WWTR1: variants seen among roughly 807,000 people sequenced by gnomAD.
WWTR1 encodes WW domain-containing transcription regulator protein 1.
In WWTR1, 13 loss-of-function variants were observed where a neutral mutation model predicts 40.1. The observed-to-expected ratio is 0.32, with a 90% CI of 0.21 to 0.52. The LOEUF is 0.52. Ranked by LOEUF, WWTR1 falls within the 20% of genes least tolerant of loss-of-function variation. The pLI is 0.97. For synonymous variants in WWTR1, 230 were observed against 210.1 expected, an observed-to-expected ratio of 1.09 and a Z score of -0.82; for missense variants, 436 against 523.1, an observed-to-expected ratio of 0.83 and a Z score of 1.63.
intron 1 of WWTR1, among the ~76,000 whole-genome samples, chr3:149,692,093 T>C (rs1246191622): frequency 6.6e-6 from 1 of 151,566 alleles, no homozygotes; most frequent in African/African-American, 2.4e-5. Flanking sequence ...GAGGAGTGAA[T>C]TCTTCCAAAC....
chr3:149,592,360 A>C (rs965039677), intron 2 of WWTR1, among the ~76,000 whole-genome samples: 8 of 152,226 alleles, frequency 5.3e-5, no homozygotes, highest in Admixed American at 5.2e-4. Flanking sequence ...GCATGACTTC[A>C]GATTCAACAG....
intron 4 of WWTR1, among the ~76,000 whole-genome samples, chr3:149,528,730 C>T (rs1333023414): frequency 6.6e-6 from 1 of 152,096 alleles, no homozygotes. Context: ...GATCACGACA[C>T]TGTACTCCAG....
In WWTR1 at chr3:149,572,857, G is replaced by A; in HGVS notation, c.568+7C>T. The A allele has an allele frequency of 6.2e-7, 1 of 1,613,648 alleles. No individual in the cohort carries two copies. Among genetic ancestry groups the A allele is most frequent in the Non-Finnish European group, 8.5e-7 (1 of 1,179,924 alleles). ...CTTTTTTAATTTTAAAAAAGCTTGA[G>A]GCTTACCGAGATTTGGCTGGGATAC... On this transcript the variant is annotated splice_region_variant and intron_variant, in intron 3 of 6. Transcript: ENST00000360632.
chr3:149,535,566 T>C (rs1735790192), intron 4 of WWTR1, among the ~76,000 whole-genome samples: 1 of 152,318 alleles, frequency 6.6e-6, no homozygotes, highest in Admixed American at 6.5e-5. Context: ...ACTAAGTTTG[T>C]CATTATTATC....
intron 4 of WWTR1, among the ~76,000 whole-genome samples, chr3:149,534,183 AAAAAGAAAAG>A (rs372733013): frequency 2.0e-5 from 3 of 152,278 alleles, no homozygotes; most frequent in Admixed American, 6.5e-5. Context: ...AAAAAGAAAG[AAAAAGAAAAG>A]AAAAGAAAAG....
chr3:149,624,950 C>T (rs1307917000), intron 2 of WWTR1, among the ~76,000 whole-genome samples: 1 of 151,562 alleles, frequency 6.6e-6, no homozygotes, highest in Non-Finnish European at 1.5e-5. Flanking sequence ...AGGCTGGTCT[C>T]AAACTCCTGA....
At chr3:149,677,331 T>C (rs181640022) in intron 1 of WWTR1, among the ~76,000 whole-genome samples, 25 of 152,338 alleles carry the variant, frequency 1.6e-4, no homozygotes, top group African/African-American at 5.5e-4. Context: ...AAGAAACCAC[T>C]GTATATACAA....
chr3:149,567,683 G>A (rs1737396309), intron 3 of WWTR1, among the ~76,000 whole-genome samples: 1 of 152,160 alleles, frequency 6.6e-6, no homozygotes, highest in East Asian at 1.9e-4. Flanking sequence ...TACAAGTGCT[G>A]GCAGCTTACT....
At chr3:149,567,950 TTC>T (rs1737411409) in intron 3 of WWTR1, among the ~76,000 whole-genome samples, 1 of 152,246 alleles carries the variant, frequency 6.6e-6, no homozygotes, top group Admixed American at 6.5e-5. Flanking sequence ...AGGCTTCATT[TTC>T]TCAAGCCCAT....
At chr3:149,543,556 T>G (rs141637286) in intron 3 of WWTR1, among the ~76,000 whole-genome samples, 6,382 of 48,160 alleles carry the variant, frequency 0.13, 205 homozygotes, top group Middle Eastern at 0.29. Context: ...CACTCCAGCC[T>G]GGTGACAAAG....
intron 2 of WWTR1, among the ~76,000 whole-genome samples, chr3:149,668,254 G>A (rs1713916833): frequency 6.6e-6 from 1 of 152,108 alleles, no homozygotes; most frequent in African/African-American, 2.4e-5. Flanking sequence ...GTCTAATCCT[G>A]ATTTAAATAC....
At chr3:149,677,919 C>A (rs1714324913) in intron 1 of WWTR1, among the ~76,000 whole-genome samples, 1 of 151,848 alleles carries the variant, frequency 6.6e-6, no homozygotes, top group Non-Finnish European at 1.5e-5. Context: ...CCTGCCACCA[C>A]ACCCAGCTAA....
chr3:149,723,180 C>CTTTTTTTTTTTTTTTTTTT (rs1553737951), intron 4 of WWTR1, among the ~76,000 whole-genome samples: 1 of 49,156 alleles, frequency 2.0e-5, no homozygotes. Context: ...GTTTTCTTTT[C>CTTTTTTTTTTTTTTTTTTT]TTTTCTTTTT....
intron 1 of WWTR1, among the ~76,000 whole-genome samples, chr3:149,670,419 C>A (rs1210013539): frequency 6.6e-6 from 1 of 152,112 alleles, no homozygotes; most frequent in African/African-American, 2.4e-5. Flanking sequence ...GAGGCCATAA[C>A]TGCTATTTAT....
intron 2 of WWTR1, among the ~76,000 whole-genome samples, chr3:149,626,828 C>A (rs9857773): frequency 0.54 from 82,345 of 151,878 alleles, 23,643 homozygotes; most frequent in Middle Eastern, 0.72. Context: ...GCACACAGCG[C>A]ACAGGTTGTT....
chr3:149,700,082 A>G (rs1415640958), intron 1 of WWTR1, among the ~76,000 whole-genome samples: 1 of 152,234 alleles, frequency 6.6e-6, no homozygotes, highest in Admixed American at 6.5e-5. Flanking sequence ...TGAGGGCTTC[A>G]GGAACTTTTG....
At chr3:149,638,935 G>A (rs982733156) in intron 2 of WWTR1, among the ~76,000 whole-genome samples, 2 of 152,196 alleles carry the variant, frequency 1.3e-5, no homozygotes, top group African/African-American at 2.4e-5. Flanking sequence ...AGGTTTGAGA[G>A]CAAAAACACC....
chr3:149,566,913 A>G (rs573482841), intron 3 of WWTR1, among the ~76,000 whole-genome samples: 1 of 152,296 alleles, frequency 6.6e-6, no homozygotes, highest in East Asian at 1.9e-4. Flanking sequence ...CACATCTTCA[A>G]AGGGGTAAGT....
chr3:149,690,106 C>T (rs868317778), intron 1 of WWTR1, among the ~76,000 whole-genome samples: 2 of 151,800 alleles, frequency 1.3e-5, no homozygotes, highest in African/African-American at 2.4e-5. Context: ...TCATGGTAAC[C>T]TTGAATTAAA....
Sources: allele counts gnomAD v4.1 joint callset (sites outside exome capture counted in the v4.1 genomes callset), GRCh38; gene constraint gnomAD v4.1.1; transcripts MANE v1.5; gene names NCBI Gene and HGNC (gene_info 2026-07-23, HGNC 2026-07-21).